EPB41L3: variants seen among roughly 807,000 people sequenced by gnomAD.
The protein encoded by EPB41L3 is erythrocyte membrane protein band 4.1 like 3, also known as band 4.1-like protein 3.
In EPB41L3, 57 loss-of-function variants were observed where a neutral mutation model predicts 127.1. The ratio of observed to expected loss-of-function variants is 0.45; its 90% CI spans 0.36 to 0.56. The LOEUF (loss-of-function observed/expected upper bound fraction) is 0.56, where lower values mean the gene tolerates loss of function less well. Ranked by LOEUF, EPB41L3 falls within the 20% of genes least tolerant of loss-of-function variation. The pLI is 0.00. For missense variants in EPB41L3, 1,273 were observed against 1,372.2 expected (o/e 0.93, Z 1.14); for synonymous variants, 572 against 549.5 (o/e 1.04, Z -0.57).
rs146351742 is a variant in EPB41L3, at chr18:5,474,873, C to T, written c.381+3368G>A. Among the ~76,000 whole-genome samples, 417 of 152,288 alleles carry T rather than the reference C, an allele frequency of 2.7e-3. 1 individual carries two copies. The highest frequency in any genetic ancestry group is 9.0e-3 in the African/African-American group (373 of 41,550). On this transcript the variant is annotated intron_variant, in intron 3 of 22. Coordinates refer to ENST00000341928, the MANE Select transcript of EPB41L3 (RefSeq NM_012307.5). ...GGAATCAGTGGCTTCCATAATTGCACCTACAGTTTCTACGGGAACCCTCCC... is the reference window on the plus strand; with the variant it reads ...GGAATCAGTGGCTTCCATAATTGCATCTACAGTTTCTACGGGAACCCTCCC...
intron 16 of EPB41L3, chr18:5,400,969 C>A (rs1265410354): frequency 6.5e-7 from 1 of 1,528,550 alleles, no homozygotes; most frequent in East Asian, 2.5e-5. Flanking sequence ...TGGTTTTTAC[C>A]TGAGACTCAA....
intron 1 of EPB41L3, among the ~76,000 whole-genome samples, chr18:5,502,746 T>G (rs1298099256): frequency 2.6e-5 from 4 of 152,222 alleles, no homozygotes; most frequent in Non-Finnish European, 4.4e-5. Context: ...TGTCACAAGT[T>G]TGGGGCTAGA....
chr18:5,398,710 G>T (rs2074003926), intron 16 of EPB41L3: 1 of 399,404 alleles, frequency 2.5e-6, no homozygotes, highest in South Asian at 1.3e-4. Flanking sequence ...GTAAAGGCTG[G>T]TTCCTGGGAA....
At chr18:5,404,755 C>T (rs1327099163) in intron 16 of EPB41L3, among the ~76,000 whole-genome samples, 1 of 152,066 alleles carries the variant, frequency 6.6e-6, no homozygotes. Context: ...TTTAGTTTTG[C>T]TCTGTTTTGT....
At chr18:5,606,868 C>A (rs1429322382) in intron 3 of EPB41L3, among the ~76,000 whole-genome samples, 1 of 150,358 alleles carries the variant, frequency 6.7e-6, no homozygotes, top group African/African-American at 2.5e-5. Flanking sequence ...TAACACCTGC[C>A]CACCATGGCG....
chr18:5,539,608 A>G (rs1180465776), intron 1 of EPB41L3: 1 of 152,230 alleles, frequency 6.6e-6, no homozygotes, highest in Non-Finnish European at 1.5e-5. Flanking sequence ...TCCTACATAC[A>G]TAATACACTC....
At chr18:5,569,777 G>T (rs930693904) in intron 3 of EPB41L3, among the ~76,000 whole-genome samples, 3 of 152,164 alleles carry the variant, frequency 2.0e-5, no homozygotes, top group Non-Finnish European at 1.5e-5. Context: ...TAAAGTGTAG[G>T]TATAATTAGT....
At chr18:5,513,874 C>T (rs1322658397) in intron 1 of EPB41L3, among the ~76,000 whole-genome samples, 1 of 152,132 alleles carries the variant, frequency 6.6e-6, no homozygotes. Context: ...ATGGCTCATC[C>T]AGGACAGAAA....
intron 12 of EPB41L3, among the ~76,000 whole-genome samples, chr18:5,418,265 C>A (rs1272086891): frequency 6.6e-6 from 1 of 152,190 alleles, no homozygotes; most frequent in Non-Finnish European, 1.5e-5. Flanking sequence ...TTTCCCACAT[C>A]ACAAATGGCA....
At chr18:5,574,025 G>A (rs563861128) in intron 3 of EPB41L3, among the ~76,000 whole-genome samples, 29 of 151,104 alleles carry the variant, frequency 1.9e-4, no homozygotes, top group African/African-American at 6.6e-4. Context: ...ATTCTCCTGC[G>A]TCAGCCTCCC....
intron 7 of EPB41L3, 126 bp downstream of exon 7, chr18:5,433,777 A>C (rs2145805447): frequency 6.4e-6 from 7 of 1,101,114 alleles, no homozygotes; most frequent in Non-Finnish European, 9.6e-6. Context: ...TTTACTGTGC[A>C]TGGACCCACA....
rs543234212 is a variant in EPB41L3 at position 5,519,655 on chromosome 18, C to G, written c.-12+24258G>C. ...GATGCCTCTTCTGGCATTTTCTCACCGAGTGACTACAGAGCCTCTGCCAGA... is the reference window on the plus strand; with the variant it reads ...GATGCCTCTTCTGGCATTTTCTCACGGAGTGACTACAGAGCCTCTGCCAGA... On this transcript the variant is annotated intron_variant, in intron 1 of 22. Transcript: ENST00000341928. 6.5e-4 allele frequency among the ~76,000 whole-genome samples: 99 copies of G among 152,302 alleles called. No individual in the cohort carries two copies. The Middle Eastern group carries it at 0.01, about 16-fold the overall frequency.
chr18:5,497,714 A>T (rs1158525874), intron 1 of EPB41L3, among the ~76,000 whole-genome samples: 1 of 152,234 alleles, frequency 6.6e-6, no homozygotes, highest in African/African-American at 2.4e-5. Context: ...CATCCAGTTC[A>T]GGTGAAAAGT....
In EPB41L3 at chr18:5,416,242, T is replaced by C; in HGVS notation, c.1643A>G (p.Glu548Gly). ...KLPGYEPSRAEHLPGEPALDS... is the reference protein window; with the variant it reads ...KLPGYEPSRAGHLPGEPALDS... ...CAAGGCGGGCTCTCCAGGCAGGTGCTCAGCTCTGGACGGCTCATAACCTGG... is the reference window on the plus strand; with the variant it reads ...CAAGGCGGGCTCTCCAGGCAGGTGCCCAGCTCTGGACGGCTCATAACCTGG... Residue 548 changes from glutamate (E) to glycine (G), a missense_variant, in exon 13 of 23, where the codon GAG becomes GGG. By Grantham distance (98) the Glu-to-Gly change is moderately conservative. Around this residue, in one of 3 missense-constraint regions of EPB41L3, gnomAD observed 765 missense variants for 782.9 expected, o/e 0.98. Coordinates refer to ENST00000341928, the MANE Select transcript of EPB41L3 (RefSeq NM_012307.5). 1 of 1,614,096 alleles carries C rather than the reference T, an allele frequency of 6.2e-7. No homozygotes were observed. The highest frequency in any genetic ancestry group is 2.2e-5 in the East Asian group (1 of 44,848).
intron 3 of EPB41L3, among the ~76,000 whole-genome samples, chr18:5,598,837 A>T (rs2094561574): frequency 6.6e-6 from 1 of 152,198 alleles, no homozygotes; most frequent in South Asian, 2.1e-4. Context: ...TAAATGCACC[A>T]GGGAATATAG....
chr18:5,545,886 TG>T (rs1466904052), upstream of EPB41L3, among the ~76,000 whole-genome samples: 1 of 132,740 alleles, frequency 7.5e-6, no homozygotes, highest in Non-Finnish European at 1.5e-5. Flanking sequence ...TGTGTGTGTG[TG>T]TGTGTGTGTG....
intron 3 of EPB41L3, among the ~76,000 whole-genome samples, chr18:5,461,621 C>G (rs2084020293): frequency 6.6e-6 from 1 of 152,090 alleles, no homozygotes; most frequent in Non-Finnish European, 1.5e-5. Context: ...TAGACTTATC[C>G]TTGACCTAGA....
chr18:5,455,416 T>C (rs2082890144), intron 3 of EPB41L3, among the ~76,000 whole-genome samples: 1 of 152,166 alleles, frequency 6.6e-6, no homozygotes, highest in Non-Finnish European at 1.5e-5. Context: ...CCCAGAACAG[T>C]TTTAAATACA....
intron 3 of EPB41L3, among the ~76,000 whole-genome samples, chr18:5,452,196 T>C (rs921764169): frequency 6.6e-6 from 1 of 152,176 alleles, no homozygotes; most frequent in African/African-American, 2.4e-5. Context: ...TATGCTGGTA[T>C]GGCTGAACAG....
Sources: allele counts gnomAD v4.1 joint callset (sites outside exome capture counted in the v4.1 genomes callset), GRCh38; gene constraint gnomAD v4.1.1; regional missense constraint gnomAD v4.1.1; transcripts MANE v1.5; gene names NCBI Gene and HGNC (gene_info 2026-07-23, HGNC 2026-07-21).